Variants in TRAPPC9 observed in about 807,000 individuals in gnomAD.
The protein encoded by TRAPPC9 is IKK2 binding protein.
A neutral mutation model predicts 124.0 loss-of-function variants in TRAPPC9; 83 were observed. The observed-to-expected ratio is 0.67, with a 90% confidence interval of 0.56 to 0.80. The LOEUF is 0.80. TRAPPC9 is among the 30% of genes least tolerant of loss of function. The pLI, the probability that TRAPPC9 is intolerant of heterozygous loss-of-function variation, is 0.00. For synonymous variants in TRAPPC9, 638 were observed against 617.5 expected, an observed-to-expected ratio of 1.03 and a Z score of -0.49; for missense variants, 1,302 against 1,508.3, an observed-to-expected ratio of 0.86 and a Z score of 2.27.
chr8:140,228,288 T>C (rs2063501789), intron 16 of TRAPPC9, among the ~76,000 whole-genome samples: 1 of 152,238 alleles, frequency 6.6e-6, no homozygotes, highest in South Asian at 2.1e-4. Context: ...CCAGGTAGAA[T>C]ATATTTTAAA....
intron 17 of TRAPPC9, among the ~76,000 whole-genome samples, chr8:140,152,171 T>C (rs924730695): frequency 2.7e-5 from 4 of 146,522 alleles, no homozygotes; most frequent in South Asian, 4.3e-4. Context: ...TAGTGTCTAA[T>C]ACATGTTGAC....
chr8:139,829,894 G>C (rs1032312940), intron 21 of TRAPPC9, among the ~76,000 whole-genome samples: 3 of 152,168 alleles, frequency 2.0e-5, no homozygotes, highest in African/African-American at 7.2e-5. Flanking sequence ...GAGTGACAGC[G>C]CTGGGGCTGG....
intron 17 of TRAPPC9, among the ~76,000 whole-genome samples, chr8:140,036,036 A>G: frequency 6.6e-6 from 1 of 152,104 alleles, no homozygotes; most frequent in East Asian, 1.9e-4. Context: ...TGAATGCCCA[A>G]CTCACCCGTC....
intron 17 of TRAPPC9, among the ~76,000 whole-genome samples, chr8:140,148,734 A>C (rs567644766): frequency 6.6e-6 from 1 of 152,222 alleles, no homozygotes; most frequent in Admixed American, 6.5e-5. Context: ...ATTCATTTAG[A>C]GACTCATATC....
chr8:140,046,134 C>T (rs138374513), intron 17 of TRAPPC9, among the ~76,000 whole-genome samples: 5 of 152,308 alleles, frequency 3.3e-5, no homozygotes, highest in African/African-American at 1.2e-4. Context: ...AGGAGACTGG[C>T]GTCCCCCGCC....
At chr8:140,047,526 T>C (rs1214611018) in intron 17 of TRAPPC9, among the ~76,000 whole-genome samples, 2 of 152,010 alleles carry the variant, frequency 1.3e-5, no homozygotes, top group South Asian at 2.1e-4. Context: ...CCTCGGGATA[T>C]AGGGAAGAAA....
intron 21 of TRAPPC9, among the ~76,000 whole-genome samples, chr8:139,849,463 G>T (rs921744885): frequency 6.6e-6 from 1 of 152,178 alleles, no homozygotes; most frequent in Non-Finnish European, 1.5e-5. Flanking sequence ...TCTCCTTCTG[G>T]TTCTGCATTT....
intron 18 of TRAPPC9, among the ~76,000 whole-genome samples, chr8:139,995,244 T>C (rs2131745679): frequency 6.6e-6 from 1 of 152,350 alleles, no homozygotes; most frequent in South Asian, 2.1e-4. Context: ...GCCCTGTGTA[T>C]AGCCAGACAG....
chr8:140,385,888 C>A (rs1401081654), intron 7 of TRAPPC9, among the ~76,000 whole-genome samples: 2 of 152,164 alleles, frequency 1.3e-5, no homozygotes, highest in African/African-American at 4.8e-5. Flanking sequence ...AGACCAATAT[C>A]CCTGATGAAC....
At chr8:139,976,175 G>C (rs941128278) in intron 19 of TRAPPC9, among the ~76,000 whole-genome samples, 1 of 152,086 alleles carries the variant, frequency 6.6e-6, no homozygotes, top group African/African-American at 2.4e-5. Context: ...ACAGGCGTGA[G>C]CCACCGCGCC....
At chr8:139,739,112 G>A (rs746065509) in intron 21 of TRAPPC9, among the ~76,000 whole-genome samples, 1 of 152,084 alleles carries the variant, frequency 6.6e-6, no homozygotes, top group African/African-American at 2.4e-5. Context: ...CTGACATCTC[G>A]ACCGGGCACC....
At chr8:140,064,805 G>C (rs1587627721) in intron 17 of TRAPPC9, among the ~76,000 whole-genome samples, 1 of 152,244 alleles carries the variant, frequency 6.6e-6, no homozygotes, top group Non-Finnish European at 1.5e-5. Context: ...AAAGAAAAAG[G>C]ATACAGTATT....
chr8:139,782,321 A>C (rs1033033667), intron 21 of TRAPPC9, among the ~76,000 whole-genome samples: 8 of 152,214 alleles, frequency 5.3e-5, no homozygotes, highest in Non-Finnish European at 2.9e-5. Flanking sequence ...TGGAGGTTGC[A>C]GTGAGCAGAG....
Position 140,053,762 on chromosome 8 carries a change from G to A in TRAPPC9, c.2557-29683C>T, listed in dbSNP as rs535372140. Among the ~76,000 whole-genome samples the A allele has an allele frequency of 9.9e-5, 15 of 152,238 alleles. No individual in the cohort carries two copies. The South Asian group carries it at 1.0e-3, about 11-fold the overall frequency. ...GTTGGGTGCGTACATACTGATAACCGTTACATCTTCCTGTTGAATCAACCA... is the reference window on the plus strand; with the variant it reads ...GTTGGGTGCGTACATACTGATAACCATTACATCTTCCTGTTGAATCAACCA... On this transcript the variant is annotated intron_variant, in intron 17 of 22. Transcript: ENST00000438773.
intron 17 of TRAPPC9, among the ~76,000 whole-genome samples, chr8:140,059,345 T>A (rs375601891): frequency 1.3e-4 from 20 of 152,228 alleles, no homozygotes; most frequent in East Asian, 5.8e-4. Flanking sequence ...AACTATTGAT[T>A]TATATATAGT....
At chr8:140,134,989 T>C (rs1054143934) in intron 17 of TRAPPC9, among the ~76,000 whole-genome samples, 1 of 152,188 alleles carries the variant, frequency 6.6e-6, no homozygotes. Context: ...ATAACCCATA[T>C]TAAAAATGGG....
chr8:140,362,168 G>T (rs185318374), intron 8 of TRAPPC9, among the ~76,000 whole-genome samples: 140 of 152,290 alleles, frequency 9.2e-4, no homozygotes, highest in African/African-American at 3.2e-3. Flanking sequence ...TTGGGAGGCA[G>T]GTTTATGTCT....
intron 9 of TRAPPC9, among the ~76,000 whole-genome samples, chr8:140,330,690 C>T (rs1306178993): frequency 6.6e-6 from 1 of 152,120 alleles, no homozygotes; most frequent in Non-Finnish European, 1.5e-5. Flanking sequence ...GAGATCTTAA[C>T]ATAATGCCCA....
In TRAPPC9 at chr8:140,287,693, C is replaced by T. The variant is rs756852411; in HGVS notation, c.1896G>A (p.Ala632=). The T allele has an allele frequency of 2.0e-5, 33 of 1,614,068 alleles. No individual in the cohort carries two copies. Among genetic ancestry groups the T allele is most frequent in the East Asian group, 8.9e-5 (4 of 44,896 alleles). Residue 632 remains alanine (A), a synonymous_variant, in exon 13 of 23, where the codon GCG becomes GCA. Coordinates refer to ENST00000438773, the MANE Select transcript of TRAPPC9 (RefSeq NM_001160372.4). ...CAGATTCAGCCGGAAGAGAAAGCGC[C>T]GCAGGGAGAGACTCGAACTCCACTC... ...TSGVEFESLP[A]ALSLPAESGL...
Sources: gnomAD v4.1 joint callset for allele counts (sites outside exome capture counted in the v4.1 genomes callset) on GRCh38, gnomAD v4.1.1 for gene constraint, MANE v1.5 for transcripts, NCBI Gene and HGNC (gene_info 2026-07-23, HGNC 2026-07-21) for gene names.